PACC1: variants seen among roughly 807,000 people sequenced by gnomAD.
PACC1 encodes proton-activated chloride channel.
A neutral mutation model predicts 39.7 loss-of-function variants in PACC1; 34 were observed. The ratio of observed to expected loss-of-function variants is 0.86; its 90% CI spans 0.65 to 1.14. PACC1 has a LOEUF of 1.14. Ranked by LOEUF, PACC1 falls within the 50% of genes most tolerant of loss-of-function variation. PACC1 has a pLI of 0.00. For synonymous variants in PACC1, 127 were observed against 160.6 expected (o/e 0.79, Z 1.58); for missense variants, 379 against 436.4 (o/e 0.87, Z 1.17).
chr1:212,369,176 T>C (rs1660354076), intron 7 of PACC1, among the ~76,000 whole-genome samples: 1 of 152,214 alleles, frequency 6.6e-6, no homozygotes, highest in African/African-American at 2.4e-5. Flanking sequence ...TAACTTGTTT[T>C]AACTGCAAGA....
At chr1:212,377,757 C>A (rs780481697) in intron 5 of PACC1, 51 bp from the exon 6 acceptor site, 1 of 1,600,064 alleles carries the variant, frequency 6.2e-7, no homozygotes, top group Non-Finnish European at 8.5e-7. Context: ...GGTCTGGCAG[C>A]AGGAGTCGAA....
chr1:212,403,134 C>T (rs1489667688), intron 2 of PACC1, among the ~76,000 whole-genome samples: 1 of 152,132 alleles, frequency 6.6e-6, no homozygotes, highest in East Asian at 1.9e-4. Context: ...GTCATTTCTC[C>T]CTTTGAACAG....
At chr1:212,369,093 T>C (rs1190973815) in intron 7 of PACC1, among the ~76,000 whole-genome samples, 2 of 149,542 alleles carry the variant, frequency 1.3e-5, no homozygotes, top group Non-Finnish European at 3.0e-5. Context: ...ATGTGAGGAG[T>C]ATGGAGTTGA....
At chr1:212,412,810 C>G (rs891411481) in intron 1 of PACC1, among the ~76,000 whole-genome samples, 2 of 152,216 alleles carry the variant, frequency 1.3e-5, no homozygotes, top group Non-Finnish European at 2.9e-5. Context: ...CTGCCCACAC[C>G]GTTAACAAGA....
intron 2 of PACC1, among the ~76,000 whole-genome samples, chr1:212,405,182 T>A (rs1002157449): frequency 2.0e-5 from 3 of 152,206 alleles, no homozygotes; most frequent in Admixed American, 6.5e-5. Flanking sequence ...GATGAGAGGC[T>A]CTCTTGCTCT....
intron 2 of PACC1, among the ~76,000 whole-genome samples, chr1:212,392,814 C>A (rs1316921905): frequency 1.3e-5 from 2 of 151,366 alleles, no homozygotes; most frequent in African/African-American, 2.4e-5. Flanking sequence ...GACTTTAAAC[C>A]AACAAAGATC....
chr1:212,405,782 T>G (rs1661888270), intron 2 of PACC1, among the ~76,000 whole-genome samples: 1 of 152,156 alleles, frequency 6.6e-6, no homozygotes, highest in Admixed American at 6.5e-5. Flanking sequence ...GTTCCTCATC[T>G]ATAAACTAGG....
Position 212,365,241 on chromosome 1 carries a change from CTCT to C in PACC1, c.1024_1026del (p.Arg342del). 1 of 1,613,678 alleles carries C rather than the reference CTCT, an allele frequency of 6.2e-7. No individual in the cohort carries two copies. The highest frequency in any genetic ancestry group is 1.3e-5 in the African/African-American group (1 of 74,956). ...CAGCTTATGTGGCTCGTTGCCTGAC[CTCT>C]TCTTTTAAGGTATCTCTTTCTAATT... On this transcript the variant is annotated inframe_deletion, in exon 8 of 8. Coordinates refer to ENST00000261455, the MANE Select transcript of PACC1 (RefSeq NM_018252.3).
intron 4 of PACC1, among the ~76,000 whole-genome samples, chr1:212,381,898 G>A (rs965554096): frequency 1.4e-4 from 21 of 152,196 alleles, no homozygotes; most frequent in Non-Finnish European, 2.4e-4. Context: ...TACGCCACAC[G>A]GCCTGCATGC....
chr1:212,377,553 G>T lies in PACC1; in HGVS notation c.783+9C>A. ...ACCAGCAGTTTCAAGCAAACCCAGA[G>T]CCACCTACCTCCTGCCGGAACTCCA... On this transcript the variant is annotated intron_variant, in intron 6 of 7. Coordinates refer to ENST00000261455, the MANE Select transcript of PACC1 (RefSeq NM_018252.3). 6.2e-7 allele frequency: 1 copy of T among 1,613,818 alleles called. No homozygotes were observed. Among genetic ancestry groups the T allele is most frequent in the Non-Finnish European group, 8.5e-7 (1 of 1,179,854 alleles).
At chr1:212,408,569 C>T (rs1000590991) in intron 2 of PACC1, among the ~76,000 whole-genome samples, 1 of 152,064 alleles carries the variant, frequency 6.6e-6, no homozygotes, top group South Asian at 2.1e-4. Context: ...ACCATGTTGG[C>T]CAGGCTGGTC....
intron 2 of PACC1, among the ~76,000 whole-genome samples, chr1:212,391,985 A>G (rs1311474225): frequency 2.6e-5 from 4 of 152,240 alleles, no homozygotes; most frequent in Non-Finnish European, 5.9e-5. Flanking sequence ...CCTGAAAGTG[A>G]CGGGGAGAAT....
chr1:212,390,434 A>T (rs1197614253), intron 2 of PACC1, among the ~76,000 whole-genome samples: 1 of 151,604 alleles, frequency 6.6e-6, no homozygotes, highest in Admixed American at 6.6e-5. Context: ...AAAAAGAAAA[A>T]AAAAAAAAAA....
rs1423666828 is a variant in PACC1, at chr1:212,364,639, AACTT to A, written c.*572_*575del. ...TAGGTGGCTACTCAGTCCATTAAGA[AACTT>A]AATTACTAGTTTCTAGTAGCCTTAA... On this transcript the variant is annotated 3_prime_UTR_variant, in exon 8 of 8. Coordinates refer to ENST00000261455, the MANE Select transcript of PACC1 (RefSeq NM_018252.3). 1 of 152,636 alleles carries A rather than the reference AACTT, an allele frequency of 6.6e-6. No homozygotes were observed. Among genetic ancestry groups the A allele is most frequent in the Non-Finnish European group, 1.5e-5 (1 of 68,034 alleles). 9.5% of individuals were successfully genotyped at this position (152,636 alleles called of 1,614,324 possible).
At chr1:212,383,332 A>C (rs964310922) in intron 4 of PACC1, among the ~76,000 whole-genome samples, 1 of 152,204 alleles carries the variant, frequency 6.6e-6, no homozygotes, top group Non-Finnish European at 1.5e-5. Flanking sequence ...CCTCCTAAGC[A>C]TACACTTCAA....
At chr1:212,368,356 G>C (rs1259056198) in intron 7 of PACC1, among the ~76,000 whole-genome samples, 2 of 152,046 alleles carry the variant, frequency 1.3e-5, no homozygotes, top group African/African-American at 4.8e-5. Flanking sequence ...CACCAGAAAA[G>C]TTCAGAGAAA....
rs772190370 is a variant in PACC1 at position 212,379,994 on chromosome 1, C to T, written c.539G>A (p.Arg180Gln). 1.4e-5 allele frequency: 23 copies of T among 1,614,040 alleles called. No homozygotes were observed. The highest frequency in any genetic ancestry group is 1.6e-4 in the Middle Eastern group (1 of 6,076). The change falls in exon 5 of 8, where the codon CGG becomes CAG. Residue 180 changes from arginine to glutamine, a missense_variant. Transcript: ENST00000261455. ...IVQGPREVKK[R>Q]ELVFLQFRLN... is the part of the protein sequence containing the mutation. ...GCGGAACTGGAGGAAGACCAGCTCC[C>T]GCTTTTTCACTTCCCGGGGCCCCTG...
intron 2 of PACC1, chr1:212,410,151 G>A: frequency 2.6e-6 from 1 of 388,906 alleles, no homozygotes; most frequent in Non-Finnish European, 4.8e-6. Context: ...AGGGAAAGAG[G>A]AACAGAAGAG....
chr1:212,407,410 TC>T (rs1661956910), intron 2 of PACC1, among the ~76,000 whole-genome samples: 1 of 152,226 alleles, frequency 6.6e-6, no homozygotes, highest in African/African-American at 2.4e-5. Flanking sequence ...CATTTTGGAC[TC>T]CTGACCTCCA....
Sources: allele counts gnomAD v4.1 joint callset (sites outside exome capture counted in the v4.1 genomes callset), GRCh38; gene constraint gnomAD v4.1.1; transcripts MANE v1.5; gene names NCBI Gene and HGNC (gene_info 2026-07-23, HGNC 2026-07-21).